Variants in CDK6 observed in about 807,000 individuals in gnomAD.
The protein encoded by CDK6 is cyclin dependent kinase 6, also known as cyclin-dependent kinase 6.
A neutral mutation model predicts 37.1 loss-of-function variants in CDK6; 6 were observed. The observed-to-expected ratio is 0.16, with a 90% CI of 0.09 to 0.32. CDK6 has a LOEUF of 0.32. Ranked by LOEUF, CDK6 falls within the 10% of genes least tolerant of loss-of-function variation. CDK6 has a pLI of 1.00. For missense variants in CDK6, 224 were observed against 418.9 expected (o/e 0.53, Z 4.06); for synonymous variants, 160 against 161.3 (o/e 0.99, Z 0.06).
intron 2 of CDK6, among the ~76,000 whole-genome samples, chr7:92,805,336 T>C (rs1461090223): frequency 6.6e-6 from 1 of 152,178 alleles, no homozygotes; most frequent in Non-Finnish European, 1.5e-5. Flanking sequence ...ATATGTAAGG[T>C]ATCTCCTAGC....
Position 92,618,066 on chromosome 7 carries a change from A to C in CDK6, c.834+6T>G, listed in dbSNP as rs932137020. 1 of 1,613,850 alleles carries C rather than the reference A, an allele frequency of 6.2e-7. No individual in the cohort carries two copies. The highest frequency in any genetic ancestry group is 2.2e-5 in the East Asian group (1 of 44,874). On this transcript the variant is annotated splice_donor_region_variant and intron_variant, in intron 7 of 7. Transcript: ENST00000424848. Reference sequence around the variant, plus strand: ...TGCAGACGAGCTTGACATCAGAAAAACTTACCAGAAGTAGGTCTTTGCCTA... The same window carrying C: ...TGCAGACGAGCTTGACATCAGAAAACCTTACCAGAAGTAGGTCTTTGCCTA...
intron 1 of CDK6, 49 bp downstream of exon 1, chr7:92,836,429 C>T (rs1371944633): frequency 6.6e-6 from 1 of 151,314 alleles, no homozygotes; most frequent in African/African-American, 2.4e-5. Context: ...AGATCTCCCC[C>T]GGGACCCCCC....
intron 5 of CDK6, among the ~76,000 whole-genome samples, chr7:92,649,799 A>G (rs888245590): frequency 1.6e-4 from 24 of 152,216 alleles, no homozygotes; most frequent in Non-Finnish European, 3.2e-4. Context: ...TACCTTTGGA[A>G]TTACAGCATA....
At chr7:92,728,127 A>AT (rs1398145941) in intron 3 of CDK6, among the ~76,000 whole-genome samples, 1 of 152,238 alleles carries the variant, frequency 6.6e-6, no homozygotes, top group Non-Finnish European at 1.5e-5. Context: ...TATTTGTGTT[A>AT]TAACACACAC....
chr7:92,659,348 C>T (rs1796783329), intron 5 of CDK6, among the ~76,000 whole-genome samples: 1 of 152,090 alleles, frequency 6.6e-6, no homozygotes. Context: ...AAAAATATCT[C>T]ATTCATCCAT....
intron 3 of CDK6, among the ~76,000 whole-genome samples, chr7:92,732,979 A>G (rs768547144): frequency 2.0e-5 from 3 of 152,252 alleles, no homozygotes; most frequent in Admixed American, 6.5e-5. Context: ...CCAGCCTTGT[A>G]GTTATGTATA....
At chr7:92,692,215 G>A (rs1229035844) in intron 4 of CDK6, among the ~76,000 whole-genome samples, 1 of 151,690 alleles carries the variant, frequency 6.6e-6, no homozygotes, top group East Asian at 1.9e-4. Flanking sequence ...GTGGTGAGTC[G>A]AGATCACACC....
In CDK6 at chr7:92,690,388, T is replaced by A. The variant is rs186617335; in HGVS notation, c.538-18853A>T. Among the ~76,000 whole-genome samples, 27 of 152,352 alleles carry A rather than the reference T, an allele frequency of 1.8e-4. No individual in the cohort carries two copies. In the East Asian group the frequency reaches 3.9e-3, roughly 22 times the overall value. ...TATTGAATAGGGAATCCTTTCCTTATTGTTTGTTTTTGTTAGGTTTGTTAA... is the reference window on the plus strand; with the variant it reads ...TATTGAATAGGGAATCCTTTCCTTAATGTTTGTTTTTGTTAGGTTTGTTAA... On this transcript the variant is annotated intron_variant, in intron 4 of 7. Coordinates refer to ENST00000424848, the MANE Select transcript of CDK6 (RefSeq NM_001145306.2).
At chr7:92,646,441 A>G (rs1417936682) in intron 5 of CDK6, among the ~76,000 whole-genome samples, 1 of 148,362 alleles carries the variant, frequency 6.7e-6, no homozygotes, top group Non-Finnish European at 1.5e-5. Flanking sequence ...TGTGTCACCC[A>G]GGCCAGAGTG....
At chr7:92,820,272 T>C (rs1342813201) in intron 2 of CDK6, among the ~76,000 whole-genome samples, 1 of 152,162 alleles carries the variant, frequency 6.6e-6, no homozygotes, top group East Asian at 1.9e-4. Flanking sequence ...TGTCTGTTTT[T>C]ACAAAAGAAG....
chr7:92,716,619 C>T (rs544723833), intron 4 of CDK6, among the ~76,000 whole-genome samples: 6 of 152,280 alleles, frequency 3.9e-5, no homozygotes, highest in African/African-American at 9.6e-5. Flanking sequence ...AATATTGCCA[C>T]CTCTCCTTTC....
intron 2 of CDK6, among the ~76,000 whole-genome samples, chr7:92,832,735 G>A (rs1801522922): frequency 6.6e-6 from 1 of 152,142 alleles, no homozygotes. Context: ...AATATGCGGG[G>A]GCTAGCGGGG....
At chr7:92,682,894 T>C (rs1389108655) in intron 4 of CDK6, among the ~76,000 whole-genome samples, 5 of 152,242 alleles carry the variant, frequency 3.3e-5, no homozygotes, top group African/African-American at 1.2e-4. Context: ...GAAGGGCCTA[T>C]GTTTTCCTTC....
Position 92,822,536 on chromosome 7 carries a change from T to C in CDK6, c.233+10555A>G, listed in dbSNP as rs538395942. ...CTTAACTATTTATTCACTCAGTCAT[T>C]TACTCAATTGATATTTACTAGGAAC... On this transcript the variant is annotated intron_variant, in intron 2 of 7. Coordinates refer to ENST00000424848, the MANE Select transcript of CDK6 (RefSeq NM_001145306.2). 1.1e-4 allele frequency among the ~76,000 whole-genome samples: 16 copies of C among 152,288 alleles called. No homozygotes were observed. The South Asian group carries it at 1.9e-3, about 18-fold the overall frequency.
chr7:92,793,697 T>C lies in CDK6; in HGVS notation c.234-18866A>G, dbSNP rs1800336660. On this transcript the variant is annotated intron_variant, in intron 2 of 7. Transcript: ENST00000424848. ...CTTTGTGACCCTGGGTTAGGCAATA[T>C]CTTAATTATAACACCAAAAACATAA... 3.3e-5 allele frequency among the ~76,000 whole-genome samples: 5 copies of C among 152,164 alleles called. No individual in the cohort carries two copies. In the South Asian group the frequency reaches 1.0e-3, roughly 32 times the overall value.
intron 5 of CDK6, among the ~76,000 whole-genome samples, chr7:92,623,694 C>T (rs1488914718): frequency 6.6e-6 from 1 of 152,166 alleles, no homozygotes; most frequent in Admixed American, 6.5e-5. Flanking sequence ...TCCTTGTCTA[C>T]ATTGAGCATT....
intron 3 of CDK6, among the ~76,000 whole-genome samples, chr7:92,728,548 T>C (rs1281188606): frequency 6.6e-6 from 1 of 152,204 alleles, no homozygotes; most frequent in Non-Finnish European, 1.5e-5. Flanking sequence ...TCAGTTTTAG[T>C]TGTGTTACTT....
At chr7:92,823,266 T>C (rs1801220984) in intron 2 of CDK6, among the ~76,000 whole-genome samples, 1 of 151,396 alleles carries the variant, frequency 6.6e-6, no homozygotes, top group Non-Finnish European at 1.5e-5. Flanking sequence ...AATACTTGAG[T>C]AGTAATGTCT....
Position 92,605,151 on chromosome 7 carries a change from A to G in CDK6, c.*9989T>C, listed in dbSNP as rs1365302247. ...TTGCCTCATTCAATTTAGCTTTCAC[A>G]TAAGTGAACACATTGGACAGTGATA... is the stretch of plus-strand genomic sequence containing the variant. On this transcript the variant is annotated 3_prime_UTR_variant, in exon 8 of 8. Coordinates refer to ENST00000424848, the MANE Select transcript of CDK6 (RefSeq NM_001145306.2). 1.3e-5 allele frequency: 3 copies of G among 233,128 alleles called. No homozygotes were observed. The highest frequency in any genetic ancestry group is 4.4e-5 in the African/African-American group (2 of 45,338). 14.4% of individuals were successfully genotyped at this position (233,128 alleles called of 1,614,324 possible). A position where few individuals can be genotyped will look rare whatever the true frequency, so the allele number is the denominator to read the frequency against.
Sources: allele counts gnomAD v4.1 joint callset (sites outside exome capture counted in the v4.1 genomes callset), GRCh38; gene constraint gnomAD v4.1.1; transcripts MANE v1.5; gene names NCBI Gene and HGNC (gene_info 2026-07-23, HGNC 2026-07-21).